Variants in TAFA4 observed in about 807,000 individuals in gnomAD.
The protein encoded by TAFA4 is chemokine-like protein TAFA-4.
Under a neutral mutation model 21.1 loss-of-function variants are expected in TAFA4, and 20 were observed. The ratio of observed to expected loss-of-function variants is 0.95; its 90% CI spans 0.67 to 1.38. The LOEUF is 1.38. Ranked by LOEUF, TAFA4 falls within the 40% of genes most tolerant of loss-of-function variation. TAFA4 has a pLI of 0.00. For synonymous variants in TAFA4, 71 were observed against 67.4 expected (o/e 1.05, Z -0.26); for missense variants, 211 against 180.9 (o/e 1.17, Z -0.95).
chr3:68,841,948 G>T (rs952890148), intron 3 of TAFA4, among the ~76,000 whole-genome samples: 3 of 152,114 alleles, frequency 2.0e-5, no homozygotes, highest in African/African-American at 7.2e-5. Context: ...GTCTATCATT[G>T]ATGAGTATTT....
intron 3 of TAFA4, among the ~76,000 whole-genome samples, chr3:68,784,966 C>G: frequency 6.6e-6 from 1 of 152,076 alleles, no homozygotes. Context: ...GAGCTAGACA[C>G]AAGGTGCTGA....
chr3:68,858,529 A>G (rs1447464179), intron 3 of TAFA4, among the ~76,000 whole-genome samples: 1 of 151,966 alleles, frequency 6.6e-6, no homozygotes, highest in Non-Finnish European at 1.5e-5. Flanking sequence ...TCAACCGAAT[A>G]TAAAAATATT....
intron 2 of TAFA4, among the ~76,000 whole-genome samples, chr3:68,882,428 G>A (rs1054703684): frequency 2.6e-5 from 4 of 152,038 alleles, no homozygotes; most frequent in Admixed American, 1.3e-4. Flanking sequence ...GGCATCCCCG[G>A]GCTCACATTT....
intron 3 of TAFA4, among the ~76,000 whole-genome samples, chr3:68,860,916 G>A (rs1320594868): frequency 6.6e-6 from 1 of 151,840 alleles, no homozygotes; most frequent in African/African-American, 2.4e-5. Context: ...TAAAATACTT[G>A]CCTTTAAATT....
rs1703855234 is a variant in TAFA4 at position 68,812,138 on chromosome 3, A to C, written c.131-59120T>G. Among the ~76,000 whole-genome samples, 5 of 152,330 alleles carry C rather than the reference A, an allele frequency of 3.3e-5. No individual in the cohort carries two copies. In the South Asian group the frequency reaches 1.0e-3, roughly 32 times the overall value. On this transcript the variant is annotated intron_variant, in intron 3 of 5. Transcript: ENST00000295569. Reference sequence around the variant, plus strand: ...TAAGCAAATGCTGAGAGATTCTGTCACCACCAGGCCTGTGCTAAAAGAGCT... The same window carrying C: ...TAAGCAAATGCTGAGAGATTCTGTCCCCACCAGGCCTGTGCTAAAAGAGCT...
intron 1 of TAFA4, among the ~76,000 whole-genome samples, chr3:68,889,845 C>T (rs2089713479): frequency 6.6e-6 from 1 of 152,088 alleles, no homozygotes; most frequent in Non-Finnish European, 1.5e-5. Context: ...CAACCAAATG[C>T]AACTGTGATC....
chr3:68,926,291 G>A (rs1308424000), intron 1 of TAFA4, among the ~76,000 whole-genome samples: 1 of 151,838 alleles, frequency 6.6e-6, no homozygotes, highest in Non-Finnish European at 1.5e-5. Context: ...ATTGGAAATA[G>A]GTTTACCAAA....
At chr3:68,772,837 CATCCATCCATCCGTCA>C (rs1197298010) in intron 3 of TAFA4, among the ~76,000 whole-genome samples, 1 of 152,102 alleles carries the variant, frequency 6.6e-6, no homozygotes. Flanking sequence ...CCCTCTCATC[CATCCATCCATCCGTCA>C]ATCCATCCAT....
At chr3:68,846,867 T>C (rs985478304) in intron 3 of TAFA4, among the ~76,000 whole-genome samples, 4 of 152,140 alleles carry the variant, frequency 2.6e-5, no homozygotes, top group South Asian at 2.1e-4. Context: ...ACAGCAAAGA[T>C]TGCTGCCTGT....
chr3:68,761,828 T>C (rs552012656), intron 3 of TAFA4, among the ~76,000 whole-genome samples: 2 of 152,104 alleles, frequency 1.3e-5, no homozygotes, highest in Admixed American at 6.5e-5. Flanking sequence ...GCAGTGGAGG[T>C]AGGAAGAAGA....
chr3:68,899,690 G>C (rs968813193), intron 1 of TAFA4, among the ~76,000 whole-genome samples: 1 of 152,090 alleles, frequency 6.6e-6, no homozygotes, highest in Non-Finnish European at 1.5e-5. Context: ...GGAAATATTA[G>C]GTCACGATCC....
chr3:68,900,247 T>C (rs1019396399), intron 1 of TAFA4, among the ~76,000 whole-genome samples: 1 of 25,358 alleles, frequency 3.9e-5, no homozygotes, highest in South Asian at 2.2e-3. Context: ...CTCTTAATAA[T>C]AATAATAATA....
At chr3:68,765,199 T>G (rs1198454014) in intron 3 of TAFA4, among the ~76,000 whole-genome samples, 1 of 152,218 alleles carries the variant, frequency 6.6e-6, no homozygotes, top group African/African-American at 2.4e-5. Context: ...CATCCACAGT[T>G]GGATAGATTT....
intron 3 of TAFA4, among the ~76,000 whole-genome samples, chr3:68,854,387 T>A (rs1575642391): frequency 6.6e-6 from 1 of 152,054 alleles, no homozygotes; most frequent in Non-Finnish European, 1.5e-5. Context: ...TTCTAAGGAC[T>A]ATGGGAGCCA....
intron 3 of TAFA4, among the ~76,000 whole-genome samples, chr3:68,804,554 A>T (rs1464909118): frequency 6.6e-6 from 1 of 152,220 alleles, no homozygotes; most frequent in Admixed American, 6.5e-5. Context: ...TTCAAACTAT[A>T]CTACAAGGCT....
At chr3:68,808,447 G>T (rs1403258235) in intron 3 of TAFA4, among the ~76,000 whole-genome samples, 2 of 152,122 alleles carry the variant, frequency 1.3e-5, no homozygotes, top group African/African-American at 4.8e-5. Flanking sequence ...ATCTTCAAGT[G>T]TTGACTATCT....
chr3:68,755,030 T>C (rs1385027069), intron 3 of TAFA4, among the ~76,000 whole-genome samples: 1 of 152,142 alleles, frequency 6.6e-6, no homozygotes, highest in Non-Finnish European at 1.5e-5. Flanking sequence ...AATGTGTAGG[T>C]TTACTCATCA....
intron 1 of TAFA4, among the ~76,000 whole-genome samples, chr3:68,896,850 C>A (rs1490211947): frequency 6.6e-6 from 1 of 152,208 alleles, no homozygotes; most frequent in Non-Finnish European, 1.5e-5. Context: ...CAAGTTTCAA[C>A]AATACTCATT....
At chr3:68,827,391 A>C (rs1422388110) in intron 3 of TAFA4, among the ~76,000 whole-genome samples, 1 of 152,122 alleles carries the variant, frequency 6.6e-6, no homozygotes, top group Non-Finnish European at 1.5e-5. Context: ...AATCCTTTGG[A>C]TATATACACA....
Sources: gnomAD v4.1 joint callset for allele counts (sites outside exome capture counted in the v4.1 genomes callset) on GRCh38, gnomAD v4.1.1 for gene constraint, MANE v1.5 for transcripts, NCBI Gene and HGNC (gene_info 2026-07-23, HGNC 2026-07-21) for gene names.